The following GLDC variants were observed in gnomAD, a reference collection of about 807,000 sequenced individuals.
GLDC encodes the protein glycine dehydrogenase (decarboxylating), mitochondrial.
Under a neutral mutation model 121.3 loss-of-function variants are expected in GLDC, and 104 were observed. The ratio of observed to expected loss-of-function variants is 0.86; its 90% confidence interval spans 0.73 to 1.01. The LOEUF (loss-of-function observed/expected upper bound fraction) is 1.01, where lower values mean the gene tolerates loss of function less well. GLDC is among the 50% of genes least tolerant of loss of function. The pLI is 0.00. For synonymous variants in GLDC, 546 were observed against 480.6 expected (o/e 1.14, Z -1.78); for missense variants, 1,429 against 1,306.6 (o/e 1.09, Z -1.44).
intron 3 of GLDC, among the ~76,000 whole-genome samples, chr9:6,612,107 G>C (rs117048890): frequency 1.4e-3 from 211 of 151,976 alleles, no homozygotes; most frequent in Non-Finnish European, 2.5e-3. Flanking sequence ...CACCCACTTA[G>C]AATCTGGCAA....
At chr9:6,533,266 A>G in intron 24 of GLDC, 106 bp from the exon 25 acceptor site, 2 of 950,568 alleles carry the variant, frequency 2.1e-6, no homozygotes, top group South Asian at 2.6e-5. Flanking sequence ...CCATCAGCCC[A>G]GCAAATATTC....
At chr9:6,534,830 A>G in intron 23 of GLDC, 42 bp from the exon 24 acceptor site, 1 of 1,044,296 alleles carries the variant, frequency 9.6e-7, no homozygotes. Flanking sequence ...AGAGCAATAC[A>G]CTCTCTTCTC....
At chr9:6,644,785 T>G in intron 1 of GLDC, 93 bp from the exon 2 acceptor site, 1 of 832,114 alleles carries the variant, frequency 1.2e-6, no homozygotes, top group Non-Finnish European at 2.1e-6. Context: ...GGAACCTCAT[T>G]GAAATCGCCT....
chr9:6,538,466 G>A (rs922963517), intron 22 of GLDC, among the ~76,000 whole-genome samples: 6 of 152,162 alleles, frequency 3.9e-5, no homozygotes, highest in Non-Finnish European at 7.3e-5. Context: ...TTCACATTCA[G>A]CGGTTATGCT....
chr9:6,612,263 T>A (rs6477100), intron 3 of GLDC, among the ~76,000 whole-genome samples: 97,130 of 150,762 alleles, frequency 0.64, 33,300 homozygotes, highest in African/African-American at 0.88. Context: ...TCACACACAC[T>A]CACACACATA....
intron 3 of GLDC, among the ~76,000 whole-genome samples, chr9:6,618,556 C>G (rs1169684599): frequency 2.6e-5 from 4 of 152,180 alleles, no homozygotes; most frequent in African/African-American, 4.8e-5. Flanking sequence ...ATCCACCCGC[C>G]TCAACCTCCC....
intron 18 of GLDC, 141 bp from the exon 19 acceptor site, chr9:6,554,922 T>A: frequency 1.4e-6 from 1 of 718,986 alleles, no homozygotes; most frequent in Non-Finnish European, 2.5e-6. Context: ...CACAGAAATG[T>A]CCTCTATACT....
intron 2 of GLDC, 32 bp downstream of exon 2, chr9:6,644,582 C>G: frequency 1.4e-6 from 2 of 1,442,298 alleles, no homozygotes; most frequent in East Asian, 2.3e-5. Context: ...CCAGAATAAT[C>G]TAAGTCCAAG....
In GLDC at chr9:6,593,035, C is replaced by A. The variant is rs375845021; in HGVS notation, c.1262-45G>T. 3.1e-6 allele frequency: 5 copies of A among 1,602,494 alleles called. No individual in the cohort carries two copies. The African/African-American group carries it at 5.4e-5, about 17-fold the overall frequency. On this transcript the variant is annotated intron_variant, in intron 9 of 24. Coordinates refer to ENST00000321612, the MANE Select transcript of GLDC (RefSeq NM_000170.3). ...CCCCAAACTCTCATATAGAAACCTG[C>A]TCCTCAGCCATTGACATGTCACAGA...
At chr9:6,610,120 A>T in intron 4 of GLDC, 72 bp downstream of exon 4, 1 of 1,142,088 alleles carries the variant, frequency 8.8e-7, no homozygotes, top group Non-Finnish European at 1.3e-6. Context: ...TTCACAATAT[A>T]CTATAGAAAG....
chr9:6,615,546 T>A (rs910271396), intron 3 of GLDC, among the ~76,000 whole-genome samples: 6 of 151,414 alleles, frequency 4.0e-5, no homozygotes, highest in Admixed American at 3.3e-4. Flanking sequence ...AGCACCACTG[T>A]ACGCTAGTCC....
intron 15 of GLDC, among the ~76,000 whole-genome samples, chr9:6,579,631 C>G (rs1443627614): frequency 6.6e-6 from 1 of 152,156 alleles, no homozygotes; most frequent in African/African-American, 2.4e-5. Flanking sequence ...AGTGCTGGGA[C>G]TGTGAGCCAC....
chr9:6,550,676 T>G (rs1309361578), intron 21 of GLDC, 127 bp downstream of exon 21: 1 of 750,340 alleles, frequency 1.3e-6, no homozygotes. Context: ...CCAAGAACTC[T>G]ACACTATTTT....
chr9:6,569,627 G>A (rs567593460), intron 15 of GLDC, among the ~76,000 whole-genome samples: 2 of 152,072 alleles, frequency 1.3e-5, no homozygotes, highest in African/African-American at 4.8e-5. Flanking sequence ...ACTCTAGCCT[G>A]GGCAACAGAG....
Position 6,550,914 on chromosome 9 carries a change from T to A in GLDC, c.2458A>T (p.Met820Leu). ...ILPISWAYIK[M>L]MGGKGLKQAT... ...TGTTTAAGACCCTTGCCTCCCATCA[T>A]CTGCAACAAAGGGAAAAAGAGCCAT... The change falls in exon 21 of 25, where the codon ATG becomes TTG. Residue 820 changes from methionine to leucine, a missense_variant and splice_region_variant. By Grantham distance (15) the Met-to-Leu change is conservative. Transcript: ENST00000321612. The A allele has an allele frequency of 6.3e-7, 1 of 1,596,702 alleles. No homozygotes were observed. The highest frequency in any genetic ancestry group is 8.6e-7 in the Non-Finnish European group (1 of 1,164,182).
chr9:6,643,341 C>A (rs1255931989), intron 2 of GLDC, among the ~76,000 whole-genome samples: 1 of 151,446 alleles, frequency 6.6e-6, no homozygotes, highest in African/African-American at 2.4e-5. Flanking sequence ...CTCAGCATAG[C>A]CTGAGCAGCC....
At chr9:6,629,173 A>T (rs1446741837) in intron 2 of GLDC, among the ~76,000 whole-genome samples, 2 of 151,956 alleles carry the variant, frequency 1.3e-5, no homozygotes, top group African/African-American at 4.8e-5. Context: ...CACTGCATCA[A>T]ATAAATACTT....
intron 20 of GLDC, among the ~76,000 whole-genome samples, chr9:6,552,115 C>T (rs1016276293): frequency 9.2e-5 from 14 of 152,110 alleles, no homozygotes; most frequent in East Asian, 1.9e-4. Flanking sequence ...CCTGTAGGTG[C>T]GCCTGTGGAA....
chr9:6,552,102 A>G (rs1817526982), intron 20 of GLDC, among the ~76,000 whole-genome samples: 1 of 152,222 alleles, frequency 6.6e-6, no homozygotes. Flanking sequence ...TGAGTCTAGC[A>G]GTCCTGTAGG....
Sources: gnomAD v4.1 joint callset for allele counts (sites outside exome capture counted in the v4.1 genomes callset) on GRCh38, gnomAD v4.1.1 for gene constraint, MANE v1.5 for transcripts, NCBI Gene and HGNC (gene_info 2026-07-23, HGNC 2026-07-21) for gene names.